Variants in USP35 observed in about 807,000 individuals in gnomAD.
USP35 encodes the protein ubiquitin carboxyl-terminal hydrolase 35.
USP35 carries 69 observed loss-of-function variants against 83.8 expected under a neutral mutation model. The ratio of observed to expected loss-of-function variants is 0.82; its 90% CI spans 0.68 to 1.01. The LOEUF (loss-of-function observed/expected upper bound fraction) is 1.01. Ranked by LOEUF, USP35 falls within the 50% of genes least tolerant of loss-of-function variation. The probability of loss-of-function intolerance (pLI) is 0.00; values close to 1 mark genes in which losing one functional copy is unlikely to be tolerated. For missense variants in USP35, 1,503 were observed against 1,362.5 expected, an observed-to-expected ratio of 1.10 and a Z score of -1.62; for synonymous variants, 714 against 589.5, an observed-to-expected ratio of 1.21 and a Z score of -3.06.
chr11:78,196,551 C>T lies in USP35; in HGVS notation c.306C>T (p.Ala102=). The T allele has an allele frequency of 2.4e-6, 3 of 1,239,444 alleles. No homozygotes were observed. Among genetic ancestry groups the T allele is most frequent in the Non-Finnish European group, 3.0e-6 (3 of 985,678 alleles). 76.8% of individuals were successfully genotyped at this position (1,239,444 alleles called of 1,614,324 possible). The stretch of plus-strand genomic sequence containing the variant: ...GCCCCCCGGGCCCCCGCGCGCTCGC[C>T]TGCGTGCAGCTGGGTCTGCAGCTGC... ...GAGPPGPRAL[A]CVQLGLQLLP... Residue 102 remains alanine, a synonymous_variant, in exon 2 of 11, where the codon GCC becomes GCT. Transcript: ENST00000529308. The surrounding 1 kb of genome is among the most constrained non-coding windows in gnomAD (Gnocchi z 4.8).
intron 1 of USP35, among the ~76,000 whole-genome samples, chr11:78,193,600 A>C (rs1863059999): frequency 6.6e-6 from 1 of 152,116 alleles, no homozygotes; most frequent in African/African-American, 2.4e-5. Flanking sequence ...ATCTGACTGG[A>C]AGCTCCTTCA....
Position 78,215,120 on chromosome 11 carries a change from A to ATGATT in USP35, c.*1309_*1310insATTTG, listed in dbSNP as rs767766593. Among the ~76,000 whole-genome samples, 3 of 152,208 alleles carry ATGATT rather than the reference A, an allele frequency of 2.0e-5. No homozygotes were observed. The highest frequency in any genetic ancestry group is 7.2e-5 in the African/African-American group (3 of 41,448). Reference sequence around the variant, plus strand: ...ACGCCTAAGAAAGCTGGATGGGTAAATGCTAGTATGATTTCCACTTTACAA... The same window carrying ATGATT: ...ACGCCTAAGAAAGCTGGATGGGTAAATGATTTGCTAGTATGATTTCCACTTTACAA... On this transcript the variant is annotated 3_prime_UTR_variant, in exon 11 of 11. Coordinates refer to ENST00000529308, the MANE Select transcript of USP35 (RefSeq NM_020798.4).
the USP35 span, among the ~76,000 whole-genome samples, chr11:78,236,733 T>C: frequency 4.6e-5 from 7 of 151,660 alleles, no homozygotes; most frequent in East Asian, 1.4e-3. Flanking sequence ...GATTATATTA[T>C]TTTTCTCCTT....
intron 3 of USP35, 40 bp downstream of exon 3, chr11:78,198,108 C>T (rs377018704): frequency 1.2e-5 from 20 of 1,611,820 alleles, no homozygotes; most frequent in Middle Eastern, 1.7e-4. Flanking sequence ...GGCTGGGGCC[C>T]CTCCCTCTCT....
At chr11:78,221,888 G>T in the USP35 span, 1 of 730,358 alleles carries the variant, frequency 1.4e-6, no homozygotes, top group South Asian at 1.7e-5. Context: ...AGCCATTAGA[G>T]CTGCACACTC....
chr11:78,218,204 C>G (rs879401673), downstream of USP35: 1 of 154,044 alleles, frequency 6.5e-6, no homozygotes, highest in Non-Finnish European at 1.4e-5. Flanking sequence ...GACCCCACTG[C>G]AGAGTCCCCT....
intron 3 of USP35, chr11:78,198,524 T>C (rs1685873731): frequency 3.9e-6 from 3 of 777,558 alleles, no homozygotes; most frequent in Non-Finnish European, 3.1e-6. Context: ...CTCCCTGTGA[T>C]CTAGACGCAC....
Position 78,213,975 on chromosome 11 carries a change from TAAGA to T in USP35, c.*163_*166del, listed in dbSNP as rs1565407071. ...ACAGAGATTCTCTCAGATATGGAAG[TAAGA>T]CCTAAGTCCCTTTCATTGGGGATCA... On this transcript the variant is annotated 3_prime_UTR_variant, in exon 11 of 11. Transcript: ENST00000529308. The T allele has an allele frequency of 1.7e-4, 128 of 738,378 alleles. No individual in the cohort carries two copies. In the African/African-American group the frequency reaches 2.0e-3, roughly 12 times the overall value. 45.7% of individuals were successfully genotyped at this position (738,378 alleles called of 1,614,324 possible).
Position 78,200,772 on chromosome 11 carries a change from C to A in USP35, c.1161C>A (p.Phe387Leu), listed in dbSNP as rs761980319. The A allele has an allele frequency of 1.6e-5, 26 of 1,613,876 alleles. No homozygotes were observed. Among genetic ancestry groups the A allele is most frequent in the Non-Finnish European group, 2.1e-5 (25 of 1,179,902 alleles). ...VHCMVFRFPG[F>L]PDLYEPVMEA... ...GCATGGTGTTCCGGTTCCCGGGCTT[C>A]CCGGATCTGTATGAGCCTGTCATGG... The change falls in exon 6 of 11, where the codon TTC becomes TTA. Residue 387 changes from phenylalanine to leucine, a missense_variant. Physicochemically the swap from Phe to Leu is conservative, Grantham distance 22 (BLOSUM62 0). Transcript: ENST00000529308.
intron 1 of USP35, among the ~76,000 whole-genome samples, chr11:78,195,269 C>T (rs1863110438): frequency 6.6e-6 from 1 of 152,204 alleles, no homozygotes; most frequent in South Asian, 2.1e-4. Flanking sequence ...GGGCTATTCT[C>T]ACTGAGGACG....
the USP35 span, among the ~76,000 whole-genome samples, chr11:78,236,421 G>T: frequency 0.019 from 2,942 of 152,170 alleles, 45 homozygotes; most frequent in Non-Finnish European, 0.032. Flanking sequence ...AAAGTGCTGG[G>T]ATTACAGGCA....
chr11:78,221,434 G>A, the USP35 span, among the ~76,000 whole-genome samples: 177 of 152,280 alleles, frequency 1.2e-3, no homozygotes, highest in African/African-American at 4.0e-3. Context: ...TGAGAGGCAG[G>A]CCCCTGCTCT....
chr11:78,216,162 C>T (rs1864135688), downstream of USP35: 1 of 152,606 alleles, frequency 6.6e-6, no homozygotes, highest in Non-Finnish European at 1.5e-5. Flanking sequence ...ATTCCACAGA[C>T]AGGCAGATCA....
intron 10 of USP35, among the ~76,000 whole-genome samples, chr11:78,212,617 A>G: frequency 6.6e-6 from 1 of 152,064 alleles, no homozygotes; most frequent in Non-Finnish European, 1.5e-5. Context: ...TTCCCTTGTT[A>G]GCTGTATTCC....
intron 1 of USP35, among the ~76,000 whole-genome samples, chr11:78,190,393 A>G (rs1026186824): frequency 2.0e-5 from 3 of 152,202 alleles, no homozygotes; most frequent in Non-Finnish European, 4.4e-5. Flanking sequence ...TTGATATGCA[A>G]GACCAGGCCT....
Position 78,207,646 on chromosome 11 carries a change from G to C in USP35, c.1485+23G>C, listed in dbSNP as rs181845031. 1,033 of 1,611,118 alleles carry C rather than the reference G, an allele frequency of 6.4e-4. 5 individuals carry two copies. In the African/African-American group the frequency reaches 9.2e-3, roughly 14 times the overall value. ...CAGGTGAGTGTAGGGGCAGTCAGAG[G>C]GGGGTGGAGAGGCAGCTCTGGTCAG... On this transcript the variant is annotated intron_variant, in intron 8 of 10. Coordinates refer to ENST00000529308, the MANE Select transcript of USP35 (RefSeq NM_020798.4).
chr11:78,203,499 G>A (rs1207900266), intron 6 of USP35, among the ~76,000 whole-genome samples: 1 of 152,174 alleles, frequency 6.6e-6, no homozygotes, highest in African/African-American at 2.4e-5. Context: ...CATGAGCTCT[G>A]AGTTTGTCTA....
chr11:78,209,898 A>G lies in USP35; in HGVS notation c.2043A>G (p.Glu681=), dbSNP rs768548028. ...SSQEERIERE[E]EGKEERTEKE... is the part of the protein sequence containing the mutation. ...AGGAGGAAAGGATAGAGAGGGAGGA[A>G]GAAGGGAAGGAGGAGAGAACGGAGA... is the stretch of plus-strand genomic sequence containing the variant. The change falls in exon 10 of 11, where the codon GAA becomes GAG. Residue 681 remains glutamate, a synonymous_variant. Coordinates refer to ENST00000529308, the MANE Select transcript of USP35 (RefSeq NM_020798.4). 3 of 1,602,810 alleles carry G rather than the reference A, an allele frequency of 1.9e-6. No individual in the cohort carries two copies. Among genetic ancestry groups the G allele is most frequent in the African/African-American group, 2.7e-5 (2 of 74,548 alleles).
downstream of USP35, chr11:78,217,644 A>G (rs1864216485): frequency 6.6e-6 from 1 of 152,284 alleles, no homozygotes; most frequent in South Asian, 2.1e-4. Flanking sequence ...AACAGTCAAC[A>G]TAAAAACATT....
Sources: allele counts gnomAD v4.1 joint callset (sites outside exome capture counted in the v4.1 genomes callset), GRCh38; gene constraint gnomAD v4.1.1; non-coding constraint Gnocchi (gnomAD v3.1); transcripts MANE v1.5; gene names NCBI Gene and HGNC (gene_info 2026-07-23, HGNC 2026-07-21).